The following PRKG1 variants were observed in gnomAD, a reference collection of about 807,000 sequenced individuals.
PRKG1 encodes the protein cGMP-dependent protein kinase 1.
In PRKG1, 35 loss-of-function variants were observed where a neutral mutation model predicts 88.1. The observed-to-expected ratio is 0.40, with a 90% CI of 0.30 to 0.53. The LOEUF (loss-of-function observed/expected upper bound fraction) is 0.53, where lower values mean the gene tolerates loss of function less well. Ranked by LOEUF, PRKG1 falls within the 20% of genes least tolerant of loss-of-function variation. The pLI, the probability that PRKG1 is intolerant of heterozygous loss-of-function variation, is 0.59. For missense variants in PRKG1, 540 were observed against 839.8 expected (o/e 0.64, Z 4.41); for synonymous variants, 303 against 292.5 (o/e 1.04, Z -0.37).
intron 1 of PRKG1, among the ~76,000 whole-genome samples, chr10:51,019,479 A>G (rs1843106491): frequency 6.6e-6 from 1 of 152,198 alleles, no homozygotes; most frequent in Non-Finnish European, 1.5e-5. Flanking sequence ...ACCTAACACC[A>G]TATACAAAAA....
At chr10:51,822,134 A>G (rs2132729964) in intron 4 of PRKG1, among the ~76,000 whole-genome samples, 1 of 152,160 alleles carries the variant, frequency 6.6e-6, no homozygotes, top group Admixed American at 6.5e-5. Context: ...TAACATATGT[A>G]TGTATGTCAT....
At chr10:52,075,356 T>C (rs1846602769) in intron 7 of PRKG1, among the ~76,000 whole-genome samples, 1 of 152,194 alleles carries the variant, frequency 6.6e-6, no homozygotes, top group Non-Finnish European at 1.5e-5. Flanking sequence ...CCAATCAAAA[T>C]GTTACTAAGA....
In PRKG1 at chr10:52,063,578, T is replaced by G. The variant is rs977108839; in HGVS notation, c.935+947T>G. ...CCTCACCATTCAGTGGTTCCCGATT[T>G]CTTGACCTGTGACCGGGAAGAATGT... On this transcript the variant is annotated intron_variant, in intron 7 of 17. Transcript: ENST00000373980. Among the ~76,000 whole-genome samples, 22 of 152,354 alleles carry G rather than the reference T, an allele frequency of 1.4e-4. No individual in the cohort carries two copies. The Middle Eastern group carries it at 0.01, about 71-fold the overall frequency.
intron 2 of PRKG1, among the ~76,000 whole-genome samples, chr10:51,265,713 G>A (rs1364875763): frequency 6.6e-6 from 1 of 152,088 alleles, no homozygotes; most frequent in Non-Finnish European, 1.5e-5. Context: ...TGCTCCAGGA[G>A]AAGTACAATG....
intron 2 of PRKG1, among the ~76,000 whole-genome samples, chr10:51,397,116 T>C (rs1171374412): frequency 2.7e-5 from 4 of 149,966 alleles, no homozygotes; most frequent in African/African-American, 9.9e-5. Flanking sequence ...TGTATCTTGA[T>C]TACTGAGTAT....
intron 6 of PRKG1, among the ~76,000 whole-genome samples, chr10:52,061,599 G>A (rs950336550): frequency 2.0e-5 from 3 of 151,972 alleles, no homozygotes; most frequent in Non-Finnish European, 4.4e-5. Context: ...GTGTGTTCTA[G>A]GCTATCTATG....
chr10:51,424,383 A>C (rs1838511149), intron 2 of PRKG1, among the ~76,000 whole-genome samples: 4 of 152,120 alleles, frequency 2.6e-5, no homozygotes, highest in African/African-American at 9.7e-5. Flanking sequence ...TTTCTAAAGC[A>C]GTAATTTGAA....
intron 5 of PRKG1, among the ~76,000 whole-genome samples, chr10:52,050,048 AGAGT>A (rs1287839105): frequency 4.2e-5 from 6 of 143,596 alleles, no homozygotes; most frequent in African/African-American, 1.3e-4. Context: ...TGAGAGAGAG[AGAGT>A]GTGTTCATGT....
chr10:51,985,548 G>A (rs1160468131), intron 5 of PRKG1, among the ~76,000 whole-genome samples: 1 of 152,098 alleles, frequency 6.6e-6, no homozygotes, highest in South Asian at 2.1e-4. Flanking sequence ...TCAGCTCTTG[G>A]CACATCAGCT....
chr10:51,338,478 T>C (rs1378725589), intron 2 of PRKG1, among the ~76,000 whole-genome samples: 1 of 152,040 alleles, frequency 6.6e-6, no homozygotes, highest in Non-Finnish European at 1.5e-5. Context: ...TGAAACAGTC[T>C]GGTAGGAGGG....
intron 5 of PRKG1, among the ~76,000 whole-genome samples, chr10:51,996,559 G>T (rs548792887): frequency 2.6e-5 from 4 of 152,138 alleles, no homozygotes; most frequent in African/African-American, 9.6e-5. Flanking sequence ...AATAATCAGA[G>T]AAATGAAATT....
At chr10:51,362,537 C>T (rs1463669092) in intron 2 of PRKG1, among the ~76,000 whole-genome samples, 1 of 151,604 alleles carries the variant, frequency 6.6e-6, no homozygotes, top group East Asian at 1.9e-4. Context: ...ATATTGACCA[C>T]CATTTATTCC....
chr10:51,033,677 G>A (rs1042541516), intron 1 of PRKG1, among the ~76,000 whole-genome samples: 5 of 152,072 alleles, frequency 3.3e-5, no homozygotes, highest in Non-Finnish European at 7.4e-5. Context: ...TGTCTTAAAA[G>A]GTATGATTCC....
chr10:51,978,243 C>T (rs796778722), intron 5 of PRKG1, among the ~76,000 whole-genome samples: 60 of 152,076 alleles, frequency 3.9e-4, no homozygotes, highest in African/African-American at 1.4e-3. Flanking sequence ...TTGTTTTTGT[C>T]AGCTTTGTTG....
intron 2 of PRKG1, among the ~76,000 whole-genome samples, chr10:51,457,989 G>A (rs1270389383): frequency 6.6e-6 from 1 of 152,054 alleles, no homozygotes; most frequent in Non-Finnish European, 1.5e-5. Context: ...AAGTTTAAAA[G>A]CATTCTTTTT....
intron 4 of PRKG1, among the ~76,000 whole-genome samples, chr10:51,855,225 T>A (rs1371544525): frequency 1.3e-5 from 2 of 152,180 alleles, no homozygotes; most frequent in African/African-American, 4.8e-5. Flanking sequence ...AATTAAAGTA[T>A]CAGGCAAGGC....
intron 1 of PRKG1, among the ~76,000 whole-genome samples, chr10:51,128,245 T>C (rs2131931922): frequency 6.9e-6 from 1 of 145,614 alleles, no homozygotes; most frequent in East Asian, 2.0e-4. Context: ...TATAAATATA[T>C]CAATTCGCTA....
At chr10:51,144,843 T>G (rs1845903698) in intron 1 of PRKG1, among the ~76,000 whole-genome samples, 1 of 152,118 alleles carries the variant, frequency 6.6e-6, no homozygotes, top group Non-Finnish European at 1.5e-5. Flanking sequence ...TTAAGTGAAT[T>G]GAGTAAAGTA....
chr10:50,995,423 C>T (rs573048354), intron 1 of PRKG1, among the ~76,000 whole-genome samples: 2 of 152,210 alleles, frequency 1.3e-5, no homozygotes, highest in East Asian at 1.9e-4. Flanking sequence ...AGAACATATC[C>T]GACTTATTGC....
Sources: gnomAD v4.1 joint callset for allele counts (sites outside exome capture counted in the v4.1 genomes callset) on GRCh38, gnomAD v4.1.1 for gene constraint, MANE v1.5 for transcripts, NCBI Gene and HGNC (gene_info 2026-07-23, HGNC 2026-07-21) for gene names.